CDH18: variants seen among roughly 807,000 people sequenced by gnomAD.
CDH18 encodes cadherin 18.
Under a neutral mutation model 67.9 loss-of-function variants are expected in CDH18, and 31 were observed. The observed-to-expected ratio is 0.46, with a 90% CI of 0.34 to 0.62. The LOEUF is 0.62. CDH18 is among the 20% of genes least tolerant of loss of function. CDH18 has a pLI of 0.01. For synonymous variants in CDH18, 362 were observed against 347.2 expected (o/e 1.04, Z -0.48); for missense variants, 890 against 975.5 (o/e 0.91, Z 1.17).
chr5:20,438,772 T>C lies in CDH18; in HGVS notation c.-580+136690A>G, dbSNP rs549300774. 1.6e-4 allele frequency among the ~76,000 whole-genome samples: 25 copies of C among 151,600 alleles called. No homozygotes were observed. In the South Asian group the frequency reaches 4.4e-3, roughly 26 times the overall value. On this transcript the variant is annotated intron_variant, in intron 1 of 14. Coordinates refer to the CDH18 transcript ENST00000507958. The stretch of plus-strand genomic sequence containing the variant: ...ATTATCTCCTGAATATTTCACTCTG[T>C]TTTCTATCCCAGTCTTTCCACCTGT...
At position 19,537,994 on chromosome 5, in the gene CDH18, G is replaced by A. The variant is rs113765741; in HGVS notation, c.1390+5875C>T. 5.4e-3 allele frequency among the ~76,000 whole-genome samples: 828 copies of A among 152,214 alleles called. 12 individuals carry two copies. Among genetic ancestry groups the A allele is most frequent in the African/African-American group, 0.019 (788 of 41,544 alleles). ...TAGTCAAATGTCACAAAGAAATGAC[G>A]GAAAGATAAAAGGTAAAAAGTATTG... is the stretch of plus-strand genomic sequence containing the variant. On this transcript the variant is annotated intron_variant, in intron 9 of 12. Transcript: ENST00000382275.
At chr5:19,528,400 A>AAC (rs1748074425) in intron 9 of CDH18, among the ~76,000 whole-genome samples, 1 of 151,696 alleles carries the variant, frequency 6.6e-6, no homozygotes, top group South Asian at 2.1e-4. Context: ...TGTGCAATCT[A>AAC]ATTATAATAA....
intron 6 of CDH18, among the ~76,000 whole-genome samples, chr5:19,610,024 T>C (rs1285101127): frequency 1.3e-5 from 2 of 152,148 alleles, no homozygotes; most frequent in Non-Finnish European, 2.9e-5. Context: ...ACTTTTGTCA[T>C]GGTGACACCA....
intron 6 of CDH18, among the ~76,000 whole-genome samples, chr5:19,611,007 T>C (rs1317111814): frequency 6.6e-6 from 1 of 152,186 alleles, no homozygotes; most frequent in Non-Finnish European, 1.5e-5. Context: ...ATGTATTTAA[T>C]AATAATCTTT....
chr5:20,499,391 T>C (rs915629885), intron 1 of CDH18, among the ~76,000 whole-genome samples: 1 of 152,148 alleles, frequency 6.6e-6, no homozygotes, highest in Non-Finnish European at 1.5e-5. Context: ...ATTGTTATTG[T>C]TATTTTTTAT....
chr5:20,556,178 A>G (rs1367764124), intron 1 of CDH18, among the ~76,000 whole-genome samples: 1 of 152,154 alleles, frequency 6.6e-6, no homozygotes, highest in Admixed American at 6.6e-5. Context: ...CCTTCTGTGG[A>G]GGAATCAGAA....
chr5:20,089,869 C>T (rs544535670), intron 2 of CDH18, among the ~76,000 whole-genome samples: 1 of 151,986 alleles, frequency 6.6e-6, no homozygotes, highest in Non-Finnish European at 1.5e-5. Flanking sequence ...TTATTAATTT[C>T]AACATATTAA....
At chr5:19,921,359 G>A (rs1191894178) in intron 2 of CDH18, among the ~76,000 whole-genome samples, 4 of 152,104 alleles carry the variant, frequency 2.6e-5, no homozygotes, top group African/African-American at 7.2e-5. Context: ...GTGAAACCCT[G>A]TCTCTACTAA....
At chr5:20,317,251 T>G (rs945566466) in intron 1 of CDH18, among the ~76,000 whole-genome samples, 1 of 152,080 alleles carries the variant, frequency 6.6e-6, no homozygotes, top group Admixed American at 6.6e-5. Context: ...AGGTAAAGCA[T>G]AAGTCTTTGC....
chr5:20,262,396 G>T (rs1744721783), intron 1 of CDH18, among the ~76,000 whole-genome samples: 1 of 152,178 alleles, frequency 6.6e-6, no homozygotes, highest in Admixed American at 6.5e-5. Flanking sequence ...ACCTAAACTT[G>T]ATAGTAATGT....
Position 20,286,582 on chromosome 5 carries a change from C to T in CDH18, c.-579-31077G>A, listed in dbSNP as rs1187995207. On this transcript the variant is annotated intron_variant, in intron 1 of 14. Coordinates refer to the CDH18 transcript ENST00000507958. ...ATTTATACTTATTTTCTTGGGGATTCCAGGTTGAAAAAATACTCAGTAATG... is the reference window on the plus strand; with the variant it reads ...ATTTATACTTATTTTCTTGGGGATTTCAGGTTGAAAAAATACTCAGTAATG... 2.6e-5 allele frequency among the ~76,000 whole-genome samples: 4 copies of T among 151,598 alleles called. No homozygotes were observed. The East Asian group carries it at 5.8e-4, about 22-fold the overall frequency.
intron 2 of CDH18, among the ~76,000 whole-genome samples, chr5:20,191,024 C>A (rs1738494113): frequency 6.6e-6 from 1 of 152,108 alleles, no homozygotes; most frequent in Admixed American, 6.6e-5. Flanking sequence ...CTGTCTATGG[C>A]AGTGAAGGCT....
At chr5:20,109,721 GT>G (rs754205508) in intron 2 of CDH18, among the ~76,000 whole-genome samples, 1 of 152,016 alleles carries the variant, frequency 6.6e-6, no homozygotes, top group Non-Finnish European at 1.5e-5. Context: ...TTATTTAATT[GT>G]TTTTGTTTGT....
At chr5:20,245,657 T>C (rs1479987013) in intron 2 of CDH18, among the ~76,000 whole-genome samples, 2 of 152,062 alleles carry the variant, frequency 1.3e-5, no homozygotes, top group Non-Finnish European at 2.9e-5. Context: ...CTCATAAAGT[T>C]GAAGGATATG....
intron 2 of CDH18, among the ~76,000 whole-genome samples, chr5:20,198,024 C>T (rs1739124941): frequency 6.6e-6 from 1 of 152,168 alleles, no homozygotes; most frequent in Non-Finnish European, 1.5e-5. Flanking sequence ...ATTCCCTCTC[C>T]TACCGCCCTG....
intron 1 of CDH18, among the ~76,000 whole-genome samples, chr5:20,544,116 T>C (rs994535): frequency 0.44 from 67,227 of 151,938 alleles, 15,317 homozygotes; most frequent in East Asian, 0.57. Flanking sequence ...GGTTTATTGC[T>C]GAATCTGTTT....
At chr5:20,411,412 TTAAC>T (rs771136510) in intron 1 of CDH18, among the ~76,000 whole-genome samples, 219 of 152,136 alleles carry the variant, frequency 1.4e-3, no homozygotes, top group Non-Finnish European at 2.7e-3. Flanking sequence ...AAAAAGTCTC[TTAAC>T]TAACTGTAGT....
intron 2 of CDH18, among the ~76,000 whole-genome samples, chr5:19,962,547 G>A (rs1413559953): frequency 6.6e-6 from 1 of 151,958 alleles, no homozygotes; most frequent in Non-Finnish European, 1.5e-5. Context: ...GCTGAGGTAA[G>A]CAGATCACTT....
At chr5:19,793,288 TAG>T (rs1415277276) in intron 3 of CDH18, among the ~76,000 whole-genome samples, 2 of 152,150 alleles carry the variant, frequency 1.3e-5, no homozygotes, top group Non-Finnish European at 2.9e-5. Flanking sequence ...TAAACTAATG[TAG>T]TCACCAGTAA....
Sources: gnomAD v4.1 joint callset for allele counts (sites outside exome capture counted in the v4.1 genomes callset) on GRCh38, gnomAD v4.1.1 for gene constraint, MANE v1.5 for transcripts, NCBI Gene and HGNC (gene_info 2026-07-23, HGNC 2026-07-21) for gene names.